The following MED27 variants were observed in gnomAD, a reference collection of about 807,000 sequenced individuals.
MED27 encodes mediator of RNA polymerase II transcription subunit 27.
A neutral mutation model predicts 38.2 loss-of-function variants in MED27; 30 were observed. The observed-to-expected ratio is 0.79, with a 90% CI of 0.59 to 1.07. The LOEUF (loss-of-function observed/expected upper bound fraction) is 1.07. Ranked by LOEUF, MED27 falls within the 50% of genes least tolerant of loss-of-function variation. The pLI is 0.00. For missense variants in MED27, 289 were observed against 397.5 expected, an observed-to-expected ratio of 0.73 and a Z score of 2.32; for synonymous variants, 122 against 153.5, an observed-to-expected ratio of 0.79 and a Z score of 1.52.
intron 3 of MED27, among the ~76,000 whole-genome samples, chr9:132,011,946 G>A (rs567455323): frequency 6.2e-4 from 68 of 109,666 alleles, no homozygotes; most frequent in Non-Finnish European, 6.7e-4. Flanking sequence ...AACACCTCTC[G>A]CTCTTTTTTT....
intron 2 of MED27, among the ~76,000 whole-genome samples, chr9:132,069,226 A>G (rs1226934632): frequency 6.6e-6 from 1 of 152,138 alleles, no homozygotes; most frequent in Non-Finnish European, 1.5e-5. Context: ...TGGCTCCCAG[A>G]CGGCAAGTTG....
intron 3 of MED27, among the ~76,000 whole-genome samples, chr9:131,974,594 G>C (rs554711586): frequency 4.3e-4 from 65 of 152,328 alleles, no homozygotes; most frequent in African/African-American, 1.5e-3. Context: ...GAAATGACCT[G>C]CCCAAAGAAG....
intron 2 of MED27, among the ~76,000 whole-genome samples, chr9:132,021,500 C>A (rs9411334): frequency 6.6e-6 from 1 of 151,918 alleles, no homozygotes; most frequent in Non-Finnish European, 1.5e-5. Context: ...AAAAGACAGA[C>A]GAGGGTATAT....
intron 4 of MED27, among the ~76,000 whole-genome samples, chr9:131,936,703 C>T (rs750048034): frequency 6.6e-5 from 10 of 152,184 alleles, no homozygotes; most frequent in South Asian, 2.1e-4. Context: ...TTTGTCCTGC[C>T]GGGCAGGTCA....
In MED27 at chr9:131,981,764, C is replaced by T. The variant is rs191032155; in HGVS notation, c.479+32573G>A. Among the ~76,000 whole-genome samples the T allele has an allele frequency of 3.9e-5, 6 of 152,318 alleles. No individual in the cohort carries two copies. In the East Asian group the frequency reaches 7.7e-4, roughly 20 times the overall value. ...CACACTGCTACCCCAAGCCAGCAAGCGGAGCTCAGGGAGAGGGGGCACACG... is the reference window on the plus strand; with the variant it reads ...CACACTGCTACCCCAAGCCAGCAAGTGGAGCTCAGGGAGAGGGGGCACACG... On this transcript the variant is annotated intron_variant, in intron 3 of 7. Coordinates refer to ENST00000292035, the MANE Select transcript of MED27 (RefSeq NM_004269.4).
rs1351343876 is a variant in MED27, at chr9:131,997,213, G to A, written c.479+17124C>T. On this transcript the variant is annotated intron_variant, in intron 3 of 7. Coordinates refer to ENST00000292035, the MANE Select transcript of MED27 (RefSeq NM_004269.4). This position sits in a 1 kb window ranked among gnomAD's most constrained non-coding sequence, Gnocchi z 4.0. ...AAGAATTAACTTCCAGCATGCTGGA[G>A]CTTAGCCATCTAGTAATAGTATCAC... 1.3e-5 allele frequency among the ~76,000 whole-genome samples: 2 copies of A among 152,174 alleles called. No individual in the cohort carries two copies. The highest frequency in any genetic ancestry group is 2.9e-5 in the Non-Finnish European group (2 of 68,034).
chr9:132,009,920 T>A (rs975652594), intron 3 of MED27, among the ~76,000 whole-genome samples: 14 of 152,220 alleles, frequency 9.2e-5, no homozygotes, highest in African/African-American at 3.4e-4. Context: ...ATGGGGTTGT[T>A]TTTTCTTGTA....
chr9:132,043,738 A>G (rs1300647527), intron 2 of MED27, among the ~76,000 whole-genome samples: 2 of 152,238 alleles, frequency 1.3e-5, no homozygotes, highest in African/African-American at 4.8e-5. Flanking sequence ...TTAGGGCAAA[A>G]GAACCAAAGC....
chr9:132,060,220 G>A (rs986945998), intron 2 of MED27, among the ~76,000 whole-genome samples: 2 of 152,258 alleles, frequency 1.3e-5, no homozygotes, highest in Non-Finnish European at 2.9e-5. Flanking sequence ...TGAGGAAATG[G>A]GTGGCCCCCT....
chr9:131,899,970 G>C (rs528711380), intron 4 of MED27, among the ~76,000 whole-genome samples: 1 of 152,334 alleles, frequency 6.6e-6, no homozygotes, highest in South Asian at 2.1e-4. Context: ...TCGGCTCTTG[G>C]CAACTGCTAT....
chr9:131,949,290 C>T (rs944681763), intron 3 of MED27, among the ~76,000 whole-genome samples: 3 of 152,138 alleles, frequency 2.0e-5, no homozygotes, highest in African/African-American at 4.8e-5. Flanking sequence ...TGGCGGGGCC[C>T]GAGCTTGGCC....
At position 131,963,135 on chromosome 9, in the gene MED27, T is replaced by C. The variant is rs142689066; in HGVS notation, c.480-23661A>G. The stretch of plus-strand genomic sequence containing the variant: ...TAAACTATTTCCAAGCCATACATCA[T>C]TTTCTGTTTGGGTCCTACCCAACTG... On this transcript the variant is annotated intron_variant, in intron 3 of 7. Transcript: ENST00000292035. 5.3e-3 allele frequency among the ~76,000 whole-genome samples: 812 copies of C among 152,308 alleles called. 15 individuals are homozygous for C. The highest frequency in any genetic ancestry group is 0.018 in the African/African-American group (748 of 41,550).
At chr9:132,004,267 G>T (rs1020648892) in intron 3 of MED27, among the ~76,000 whole-genome samples, 7 of 152,168 alleles carry the variant, frequency 4.6e-5, no homozygotes, top group Non-Finnish European at 1.0e-4. Context: ...ACGACAGAGA[G>T]CATTTAAAAC....
chr9:132,010,595 T>G (rs559706480), intron 3 of MED27, among the ~76,000 whole-genome samples: 9 of 152,318 alleles, frequency 5.9e-5, no homozygotes, highest in African/African-American at 2.2e-4. Flanking sequence ...ATGTTTATTG[T>G]GGCACTATTC....
rs563132302 is a variant in MED27 at position 131,938,967 on chromosome 9, C to G, written c.573+414G>C. ...TGACCTCGTGATCCGCCCGCCTCAG[C>G]CTCCCAAAGTGCTGGGATTACAGGC... On this transcript the variant is annotated intron_variant, in intron 4 of 7. Transcript: ENST00000292035. Among the ~76,000 whole-genome samples, 3 of 152,294 alleles carry G rather than the reference C, an allele frequency of 2.0e-5. No individual in the cohort carries two copies. The South Asian group carries it at 6.2e-4, about 32-fold the overall frequency.
chr9:132,044,304 C>T (rs1221810875), intron 2 of MED27, among the ~76,000 whole-genome samples: 1 of 152,192 alleles, frequency 6.6e-6, no homozygotes, highest in Non-Finnish European at 1.5e-5. Context: ...GGAGTTGCTT[C>T]TAGGTTCAGC....
intron 3 of MED27, among the ~76,000 whole-genome samples, chr9:131,991,633 A>G (rs568831959): frequency 2.3e-4 from 35 of 152,274 alleles, no homozygotes; most frequent in Non-Finnish European, 4.6e-4. Context: ...CACAAAATAT[A>G]TAGCATGAAA....
chr9:132,004,215 G>C (rs1431388765), intron 3 of MED27, among the ~76,000 whole-genome samples: 1 of 152,102 alleles, frequency 6.6e-6, no homozygotes, highest in Non-Finnish European at 1.5e-5. Context: ...TCTCTCAAGG[G>C]GAGAAAAGTA....
chr9:131,877,682 C>T (rs749306074), intron 6 of MED27, among the ~76,000 whole-genome samples: 8 of 152,212 alleles, frequency 5.3e-5, no homozygotes, highest in Non-Finnish European at 1.0e-4. Flanking sequence ...CACAACCTGA[C>T]TCAGAGGAGG....
Sources: gnomAD v4.1 joint callset for allele counts (sites outside exome capture counted in the v4.1 genomes callset) on GRCh38, gnomAD v4.1.1 for gene constraint, Gnocchi (gnomAD v3.1) non-coding constraint, MANE v1.5 for transcripts, NCBI Gene and HGNC (gene_info 2026-07-23, HGNC 2026-07-21) for gene names.